Variants in HEATR4 observed in about 807,000 individuals in gnomAD.
The protein encoded by HEATR4 is HEAT repeat containing 4.
A neutral mutation model predicts 108.8 loss-of-function variants in HEATR4; 95 were observed. That is an observed-to-expected ratio of 0.87 (90% CI 0.74 to 1.04). The LOEUF (loss-of-function observed/expected upper bound fraction) is 1.04. HEATR4 is among the 50% of genes least tolerant of loss of function. The pLI is 0.00. For synonymous variants in HEATR4, 443 were observed against 459.4 expected (o/e 0.96, Z 0.46); for missense variants, 1,152 against 1,253.8 (o/e 0.92, Z 1.23).
At chr14:73,509,679 C>G (rs1277527670) in intron 7 of HEATR4, among the ~76,000 whole-genome samples, 1 of 150,858 alleles carries the variant, frequency 6.6e-6, no homozygotes, top group African/African-American at 2.4e-5. Context: ...GCTGGTATGC[C>G]AATTCCCAAT....
rs1885846316 is a variant in HEATR4, at chr14:73,492,566, A to C, written c.2844+500T>G. On this transcript the variant is annotated intron_variant, in intron 17 of 17. Coordinates refer to ENST00000553558, the MANE Select transcript of HEATR4 (RefSeq NM_001220484.1). This position sits in a 1 kb window ranked among gnomAD's most constrained non-coding sequence, Gnocchi z 4.9. ...TTCTCTGCCCCCTGTTTTGACTGAT[A>C]GGGAGAGGGCACTAAGTGTTTACGG... is the stretch of plus-strand genomic sequence containing the variant. The C allele has an allele frequency of 6.2e-7, 1 of 1,613,890 alleles. No individual in the cohort carries two copies. The highest frequency in any genetic ancestry group is 2.2e-5 in the East Asian group (1 of 44,886).
the HEATR4 span, chr14:73,619,355 C>A: frequency 6.2e-7 from 1 of 1,614,142 alleles, no homozygotes; most frequent in Non-Finnish European, 8.5e-7. Flanking sequence ...GTAGCCAACA[C>A]AGTAGCTCCT....
At chr14:73,577,955 A>C in the HEATR4 span, among the ~76,000 whole-genome samples, 2 of 151,514 alleles carry the variant, frequency 1.3e-5, no homozygotes, top group Non-Finnish European at 2.9e-5. Flanking sequence ...GGTTCACGTG[A>C]TTCTCCTGCC....
chr14:73,568,375 T>C, the HEATR4 span, among the ~76,000 whole-genome samples: 1 of 151,166 alleles, frequency 6.6e-6, no homozygotes, highest in South Asian at 2.1e-4. Context: ...ACCACACCTC[T>C]GGTGAAACCA....
the HEATR4 span, among the ~76,000 whole-genome samples, chr14:73,585,670 C>T: frequency 1.3e-5 from 2 of 150,048 alleles, no homozygotes; most frequent in Admixed American, 6.6e-5. Flanking sequence ...GCCTGGGCAA[C>T]TGAGCAGGAC....
chr14:73,535,315 T>C lies in HEATR4; in HGVS notation c.-151-5071A>G, dbSNP rs1206790763. 3.5e-5 allele frequency among the ~76,000 whole-genome samples: 4 copies of C among 113,564 alleles called. 2 individuals are homozygous for C. Among genetic ancestry groups the C allele is most frequent in the Non-Finnish European group, 7.6e-5 (4 of 52,462 alleles). 74.5% of individuals were successfully genotyped at this position (113,564 alleles called of 152,430 possible). On this transcript the variant is annotated intron_variant, in intron 1 of 17. Transcript: ENST00000553558. ...TGCATAGATTGCCATGAAAAGGTCA[T>C]ACCAGTTTATATATCCACCAATATG...
the HEATR4 span, among the ~76,000 whole-genome samples, chr14:73,600,124 A>G: frequency 6.6e-6 from 1 of 152,178 alleles, no homozygotes; most frequent in African/African-American, 2.4e-5. Flanking sequence ...GAAGTATAAG[A>G]TAACTCCTAT....
chr14:73,505,380 GTTTTTTTGTTTTGTT>G (rs370782118), intron 10 of HEATR4, among the ~76,000 whole-genome samples: 4,029 of 151,636 alleles, frequency 0.027, 189 homozygotes, highest in African/African-American at 0.093. Flanking sequence ...TGGGACAATG[GTTTTTTTGTTTTGTT>G]TTTTTTTGTT....
chr14:73,590,158 A>G, the HEATR4 span, among the ~76,000 whole-genome samples: 242 of 152,268 alleles, frequency 1.6e-3, no homozygotes, highest in African/African-American at 5.7e-3. Flanking sequence ...GGCCCCACCC[A>G]CATCCTGCTG....
chr14:73,480,648 T>C (rs1410984455), intron 17 of HEATR4, among the ~76,000 whole-genome samples: 1 of 152,158 alleles, frequency 6.6e-6, no homozygotes, highest in African/African-American at 2.4e-5. Flanking sequence ...CACCCAAAAC[T>C]AGAAGCAACC....
At position 73,522,486 on chromosome 14, in the gene HEATR4, G is replaced by A. The variant is rs762609452; in HGVS notation, c.667C>T (p.Pro223Ser). Residue 223 changes from proline (P) to serine (S), a missense_variant, in exon 3 of 18, where the codon CCT becomes TCT. By Grantham distance (74) the Pro-to-Ser change is moderately conservative (BLOSUM62 -1). Transcript: ENST00000553558. ...RTARWIQSKR[P>S]RRPGASPNKW... ...TTGGGGGATGCCCCAGGCCTTCGAGGACGCTTGCTCTGGATCCATCGGGCT... is the reference window on the plus strand; with the variant it reads ...TTGGGGGATGCCCCAGGCCTTCGAGAACGCTTGCTCTGGATCCATCGGGCT... 6.2e-7 allele frequency: 1 copy of A among 1,614,230 alleles called. No homozygotes were observed. The highest frequency in any genetic ancestry group is 1.1e-5 in the South Asian group (1 of 91,082).
At chr14:73,478,868 T>G (rs1328788350) in intron 17 of HEATR4, 26 bp from the exon 18 acceptor site, 2 of 1,552,762 alleles carry the variant, frequency 1.3e-6, no homozygotes, top group Non-Finnish European at 8.8e-7. Flanking sequence ...AAAACATGAG[T>G]GCATATGCCA....
chr14:73,617,065 T>A, the HEATR4 span: 87 of 1,393,140 alleles, frequency 6.2e-5, no homozygotes, highest in Admixed American at 8.4e-5. Context: ...GCCAGCCTCC[T>A]GGCCGGACAT....
At chr14:73,625,324 C>T in the HEATR4 span, among the ~76,000 whole-genome samples, 2 of 151,762 alleles carry the variant, frequency 1.3e-5, no homozygotes, top group Non-Finnish European at 2.9e-5. Context: ...TCTCAAAGTG[C>T]TGGGATTACA....
At chr14:73,593,825 A>C in the HEATR4 span, 1 of 1,614,032 alleles carries the variant, frequency 6.2e-7, no homozygotes, top group Non-Finnish European at 8.5e-7. Flanking sequence ...TATAACTTTG[A>C]AGATCTCCCC....
upstream of HEATR4, among the ~76,000 whole-genome samples, chr14:73,560,401 C>T (rs1225682215): frequency 6.6e-6 from 1 of 152,062 alleles, no homozygotes; most frequent in East Asian, 1.9e-4. Context: ...CTGTGGCTCA[C>T]GCCCATAATC....
chr14:73,574,765 A>C, the HEATR4 span: 96 of 1,378,060 alleles, frequency 7.0e-5, 1 homozygote, highest in South Asian at 1.2e-3. Flanking sequence ...GAGGGGAGGT[A>C]AATTCTCAAA....
chr14:73,607,486 G>A, the HEATR4 span, among the ~76,000 whole-genome samples: 2 of 152,248 alleles, frequency 1.3e-5, no homozygotes, highest in Admixed American at 1.3e-4. Context: ...GATGGGAGGG[G>A]CTGCCATGAA....
chr14:73,512,010 GTC>G lies in HEATR4; in HGVS notation c.1552_1553del (p.Asp518LeufsTer22), dbSNP rs759071499. On this transcript the variant is annotated frameshift_variant, in exon 7 of 18. Transcript: ENST00000553558. LOFTEE classifies it high-confidence loss of function. The part of the protein sequence containing the change: ...ERPRIATSQR[D>X]SDKTIQDLPE... Reference sequence around the variant, plus strand: ...CAGTTCAGCTTTGGCTCTCACCTGAGTCTCTCTGGCTGGTGGCAATCCGGGGC... The same window carrying G: ...CAGTTCAGCTTTGGCTCTCACCTGAGTCTCTGGCTGGTGGCAATCCGGGGC... 4.3e-6 allele frequency: 7 copies of G among 1,613,978 alleles called. No individual in the cohort carries two copies. The Admixed American group carries it at 8.3e-5, about 19-fold the overall frequency.
Sources: gnomAD v4.1 joint callset for allele counts (sites outside exome capture counted in the v4.1 genomes callset) on GRCh38, gnomAD v4.1.1 for gene constraint, Gnocchi (gnomAD v3.1) non-coding constraint, MANE v1.5 for transcripts, NCBI Gene and HGNC (gene_info 2026-07-23, HGNC 2026-07-21) for gene names.